The following MYH8 variants were observed in gnomAD, a reference collection of about 807,000 sequenced individuals.
MYH8 encodes myosin heavy chain 8.
In MYH8, 168 loss-of-function variants were observed where a neutral mutation model predicts 233.2. That is an observed-to-expected ratio of 0.72 (90% CI 0.64 to 0.82). The LOEUF is 0.82. Among genes scored for constraint, MYH8 ranks in the 40% least tolerant of loss-of-function variants. MYH8 has a pLI of 0.00. For missense variants in MYH8, 1,995 were observed against 2,327.8 expected (o/e 0.86, Z 2.94); for synonymous variants, 785 against 850.6 (o/e 0.92, Z 1.34).
rs2142188861 is a variant in MYH8, at chr17:10,415,086, G to C, written c.805+30C>G. 5.0e-6 allele frequency: 8 copies of C among 1,597,332 alleles called. No individual in the cohort carries two copies. The Middle Eastern group carries it at 1.0e-3, about 199-fold the overall frequency. ...TGCAAATGAAATCACTTGTCTCTCT[G>C]TTTTGATTTTCAATGGTCCTGTTAC... On this transcript the variant is annotated intron_variant, in intron 9 of 39. Coordinates refer to ENST00000403437, the MANE Select transcript of MYH8 (RefSeq NM_002472.3). This position sits in a 1 kb window ranked among gnomAD's most constrained non-coding sequence, Gnocchi z 4.1.
intron 2 of MYH8, 78 bp from the exon 3 acceptor site, chr17:10,420,335 A>C (rs1033091523): frequency 1.5e-5 from 19 of 1,271,276 alleles, no homozygotes; most frequent in African/African-American, 3.0e-5. Context: ...AAATGAAAGA[A>C]ATGTTGAACA....
Position 10,411,086 on chromosome 17 carries a change from A to C in MYH8, c.1417-139T>G. 4 of 1,474,668 alleles carry C rather than the reference A, an allele frequency of 2.7e-6. No homozygotes were observed. The East Asian group carries it at 9.9e-5, about 36-fold the overall frequency. The allele number at this position is 1,474,668 out of a possible 1,614,324, so 91.3% of individuals were successfully genotyped here. A position where few individuals can be genotyped will look rare whatever the true frequency, so the allele number is the denominator to read the frequency against. On this transcript the variant is annotated intron_variant, in intron 14 of 39. Transcript: ENST00000403437. ...AAAACTAACGTTGCTCCCTCAAAAA[A>C]TGATCATTGGCCGGGCACGGTGGCT...
In MYH8 at chr17:10,395,460, A is replaced by G; in HGVS notation, c.4654-19T>C. The G allele has an allele frequency of 1.2e-6, 2 of 1,612,978 alleles. No individual in the cohort carries two copies. The highest frequency in any genetic ancestry group is 8.5e-7 in the Non-Finnish European group (1 of 1,179,326). On this transcript the variant is annotated intron_variant, in intron 33 of 39. Transcript: ENST00000403437. ...GAGATGCCTTAACAAAACAGTGATC[A>G]ATTAATAATGGAGAAGAACCTGAGT...
chr17:10,419,096 T>C lies in MYH8; in HGVS notation c.211-66A>G. The C allele has an allele frequency of 1.9e-6, 3 of 1,597,680 alleles. No individual in the cohort carries two copies. The highest frequency in any genetic ancestry group is 2.6e-6 in the Non-Finnish European group (3 of 1,168,202). ...GTTTGAGATAGAGTTTTGCTTTTTT[T>C]GCCCAGGCTGGAGTGCAGTGGCGCG... On this transcript the variant is annotated intron_variant, in intron 3 of 39. Coordinates refer to ENST00000403437, the MANE Select transcript of MYH8 (RefSeq NM_002472.3). This position sits in a 1 kb window ranked among gnomAD's most constrained non-coding sequence, Gnocchi z 4.0.
At chr17:10,399,449 C>T in intron 28 of MYH8, 94 bp downstream of exon 28, 3 of 1,597,250 alleles carry the variant, frequency 1.9e-6, no homozygotes, top group South Asian at 1.1e-5. Flanking sequence ...ATTTGTTTAT[C>T]TTTCTCTAAA....
intron 21 of MYH8, 124 bp from the exon 22 acceptor site, chr17:10,404,709 AT>A (rs2072175942): frequency 1.7e-6 from 2 of 1,182,050 alleles, no homozygotes; most frequent in African/African-American, 3.1e-5. Flanking sequence ...CATTCTCTAT[AT>A]ATTATATGCA....
rs944475079 is a variant in MYH8 at position 10,419,466 on chromosome 17, A to T, written c.211-436T>A. 5.9e-5 allele frequency among the ~76,000 whole-genome samples: 9 copies of T among 152,196 alleles called. No homozygotes were observed. The highest frequency in any genetic ancestry group is 1.7e-4 in the African/African-American group (7 of 41,444). On this transcript the variant is annotated intron_variant, in intron 3 of 39. Coordinates refer to ENST00000403437, the MANE Select transcript of MYH8 (RefSeq NM_002472.3). The surrounding 1 kb of genome is among the most constrained non-coding windows in gnomAD (Gnocchi z 4.0). ...TCATTATATTATTTAATGTCCTCTT[A>T]AAAAAGGCATGAAATATATTCATTT...
rs1567689603 is a variant in MYH8, at chr17:10,415,413, T to A, written c.649-29A>T. ...CAAAGGAAGGAGCAGTTCTCACATCTGGGACTCCAGATGTCTGAGAGCCTT... is the reference window on the plus strand; with the variant it reads ...CAAAGGAAGGAGCAGTTCTCACATCAGGGACTCCAGATGTCTGAGAGCCTT... On this transcript the variant is annotated intron_variant, in intron 7 of 39. Transcript: ENST00000403437. The surrounding 1 kb of genome is among the most constrained non-coding windows in gnomAD (Gnocchi z 4.1). 5 of 1,613,544 alleles carry A rather than the reference T, an allele frequency of 3.1e-6. No homozygotes were observed. The South Asian group carries it at 5.5e-5, about 18-fold the overall frequency.
Position 10,396,197 on chromosome 17 carries a change from T to G in MYH8, c.4653+133A>C. The G allele has an allele frequency of 9.5e-7, 1 of 1,056,746 alleles. No individual in the cohort carries two copies. Among genetic ancestry groups the G allele is most frequent in the Non-Finnish European group, 1.4e-6 (1 of 722,670 alleles). The allele number at this position is 1,056,746 out of a possible 1,614,324, so 65.5% of individuals were successfully genotyped here. ...TTGATAGGTCAGAGTATTTACATTT[T>G]TAAGGATTTTGATAACTATTGCCAA... On this transcript the variant is annotated intron_variant, in intron 33 of 39. Coordinates refer to ENST00000403437, the MANE Select transcript of MYH8 (RefSeq NM_002472.3). This position sits in a 1 kb window ranked among gnomAD's most constrained non-coding sequence, Gnocchi z 4.2.
chr17:10,393,508 A>G (rs1567681081), intron 35 of MYH8, among the ~76,000 whole-genome samples: 1 of 152,150 alleles, frequency 6.6e-6, no homozygotes, highest in African/African-American at 2.4e-5. Context: ...TAGTTATTCT[A>G]TCTCTGGAAG....
Position 10,404,369 on chromosome 17 carries a change from G to A in MYH8, c.2649C>T (p.Leu883=), listed in dbSNP as rs1292533507. Residue 883 remains leucine, a synonymous_variant, in exon 22 of 40, where the codon CTC becomes CTT. Transcript: ENST00000403437. ...RKELEEKMVT[L]LKEKNDLQLQ... The stretch of plus-strand genomic sequence containing the variant: ...GTTGCAGGTCATTTTTCTCTTTTAA[G>A]AGAGTGACCATTTTTTCCTCTAGCT... The A allele has an allele frequency of 1.9e-6, 3 of 1,613,876 alleles. No individual in the cohort carries two copies. Among genetic ancestry groups the A allele is most frequent in the Non-Finnish European group, 2.5e-6 (3 of 1,179,942 alleles).
In MYH8 at chr17:10,415,166, C is replaced by A; in HGVS notation, c.755G>T (p.Arg252Ile). Residue 252 changes from arginine (R) to isoleucine (I), a missense_variant, in exon 9 of 40, where the codon AGA becomes ATA. By Grantham distance (97) the Arg-to-Ile change is moderately conservative (BLOSUM62 -3). Coordinates refer to ENST00000403437, the MANE Select transcript of MYH8 (RefSeq NM_002472.3). This position sits in a 1 kb window ranked among gnomAD's most constrained non-coding sequence, Gnocchi z 4.1. ...CTTCCCTGTAGTACCAAAGTGGATT[C>A]TAATGAATTTACCCTTGAAAAGAAT... The part of the protein sequence containing the change: ...DNSSRFGKFI[R>I]IHFGTTGKLA... The A allele has an allele frequency of 6.2e-7, 1 of 1,613,190 alleles. No homozygotes were observed. The highest frequency in any genetic ancestry group is 8.5e-7 in the Non-Finnish European group (1 of 1,179,178).
rs746828132 is a variant in MYH8 at position 10,399,677 on chromosome 17, A to G, written c.3736-8T>C. 4 of 1,613,828 alleles carry G rather than the reference A, an allele frequency of 2.5e-6. No individual in the cohort carries two copies. Among genetic ancestry groups the G allele is most frequent in the South Asian group, 1.1e-5 (1 of 91,090 alleles). ...CATCTTTTCAAGGTTTCCCTACAGGATATGTAGCAATGAAAGATGAGACAT... is the reference window on the plus strand; with the variant it reads ...CATCTTTTCAAGGTTTCCCTACAGGGTATGTAGCAATGAAAGATGAGACAT... On this transcript the variant is annotated splice_region_variant and splice_polypyrimidine_tract_variant and intron_variant, in intron 27 of 39. Coordinates refer to ENST00000403437, the MANE Select transcript of MYH8 (RefSeq NM_002472.3).
At chr17:10,404,308 A>G (rs758860029) in intron 22 of MYH8, 22 bp downstream of exon 22, 1 of 1,613,882 alleles carries the variant, frequency 6.2e-7, no homozygotes, top group East Asian at 2.2e-5. Flanking sequence ...AACATGGTGC[A>G]TTCAGAATAT....
In MYH8 at chr17:10,400,721, G is replaced by T; in HGVS notation, c.3404C>A (p.Ala1135Glu). ...GGAGAGGTCAGAGCGCTGCTTCTCC[G>T]CTTTGGCTCGGGACGCCCTCTCTGC... The part of the protein sequence containing the change: ...IEAERASRAK[A>E]EKQRSDLSRE... The change falls in exon 27 of 40, where the codon GCG becomes GAG. Residue 1135 changes from alanine to glutamate, a missense_variant. Ala to Glu is a moderately radical substitution (Grantham distance 107). Transcript: ENST00000403437. The surrounding 1 kb of genome is among the most constrained non-coding windows in gnomAD (Gnocchi z 4.0). The T allele has an allele frequency of 6.2e-7, 1 of 1,614,148 alleles. No individual in the cohort carries two copies. The highest frequency in any genetic ancestry group is 8.5e-7 in the Non-Finnish European group (1 of 1,180,048).
Position 10,404,375 on chromosome 17 carries a change from G to A in MYH8, c.2643C>T (p.Val881=), listed in dbSNP as rs2072169634. The change falls in exon 22 of 40, where the codon GTC becomes GTT. Residue 881 remains valine (V), a synonymous_variant. Coordinates refer to ENST00000403437, the MANE Select transcript of MYH8 (RefSeq NM_002472.3). ...AKRKELEEKM[V]TLLKEKNDLQ... ...GGTCATTTTTCTCTTTTAAGAGAGT[G>A]ACCATTTTTTCCTCTAGCTCCTTCC... 2 of 1,613,944 alleles carry A rather than the reference G, an allele frequency of 1.2e-6. No individual in the cohort carries two copies. Among genetic ancestry groups the A allele is most frequent in the African/African-American group, 2.7e-5 (2 of 74,982 alleles).
At chr17:10,406,212 C>A (rs1255674824) in intron 20 of MYH8, 35 bp from the exon 21 acceptor site, 17 of 1,613,942 alleles carry the variant, frequency 1.1e-5, no homozygotes, top group Non-Finnish European at 1.4e-5. Flanking sequence ...CATCTCCATA[C>A]TGCAGGAGAT....
Position 10,406,064 on chromosome 17 carries a change from T to G in MYH8, c.2409A>C (p.Glu803Asp). Reference protein sequence around the residue: ...AVCRGFLMRVEYQKMLQRREA... With the variant: ...AVCRGFLMRVDYQKMLQRREA... ...ACCTCCTTTGCAACATCTTCTGATA[T>G]TCTACCCTCATTAGGAATCCCCTAC... Residue 803 changes from glutamate to aspartate, a missense_variant, in exon 21 of 40, where the codon GAA (glutamate) becomes GAC (aspartate). Glu to Asp is a conservative substitution (Grantham distance 45). This residue lies in a region of MYH8 where 1,498 missense variants were observed against 1,680.9 expected (regional missense o/e 0.89). Coordinates refer to ENST00000403437, the MANE Select transcript of MYH8 (RefSeq NM_002472.3). The G allele has an allele frequency of 6.8e-6, 11 of 1,614,064 alleles. No homozygotes were observed. The highest frequency in any genetic ancestry group is 9.3e-6 in the Non-Finnish European group (11 of 1,179,984).
At chr17:10,394,071 CA>C (rs546842579) in intron 35 of MYH8, among the ~76,000 whole-genome samples, 177 bp downstream of exon 35, 3 of 49,940 alleles carry the variant, frequency 6.0e-5, no homozygotes, top group Admixed American at 2.0e-4. Flanking sequence ...ACCAAAAAAA[CA>C]AAAAAAAATC....
Sources: gnomAD v4.1 joint callset for allele counts (sites outside exome capture counted in the v4.1 genomes callset) on GRCh38, gnomAD v4.1.1 for gene constraint, gnomAD v4.1.1 regional missense constraint, Gnocchi (gnomAD v3.1) non-coding constraint, MANE v1.5 for transcripts, NCBI Gene and HGNC (gene_info 2026-07-23, HGNC 2026-07-21) for gene names.